BTN3A1: variants seen among roughly 807,000 people sequenced by gnomAD.
The protein encoded by BTN3A1 is dJ45P21.3 (butyrophilin, subfamily 3, member A1).
Under a neutral mutation model 43.0 loss-of-function variants are expected in BTN3A1, and 24 were observed. The ratio of observed to expected loss-of-function variants is 0.56; its 90% confidence interval spans 0.40 to 0.78. The LOEUF (loss-of-function observed/expected upper bound fraction) is 0.78, where lower values mean the gene tolerates loss of function less well. Ranked by LOEUF, BTN3A1 falls within the 30% of genes least tolerant of loss-of-function variation. BTN3A1 has a pLI of 0.00. For synonymous variants in BTN3A1, 181 were observed against 234.7 expected (o/e 0.77, Z 2.09); for missense variants, 533 against 626.2 (o/e 0.85, Z 1.59).
At chr6:26,404,985 G>A (rs1350997870) in intron 1 of BTN3A1, among the ~76,000 whole-genome samples, 1 of 152,198 alleles carries the variant, frequency 6.6e-6, no homozygotes, top group Non-Finnish European at 1.5e-5. Flanking sequence ...GAAAAGGTAA[G>A]TAAGGCCTGG....
At chr6:26,402,723 G>T (rs1334452978) in intron 1 of BTN3A1, among the ~76,000 whole-genome samples, 2 of 144,472 alleles carry the variant, frequency 1.4e-5, no homozygotes, top group Non-Finnish European at 2.9e-5. Flanking sequence ...TCTATTCTAA[G>T]AGATTCTAAA....
chr6:26,405,744 C>T (rs1161180168), intron 2 of BTN3A1, 96 bp downstream of exon 2: 39 of 1,577,572 alleles, frequency 2.5e-5, no homozygotes, highest in South Asian at 8.9e-5. Context: ...AAGTCCATCC[C>T]GATCTGAAGG....
At chr6:26,410,966 G>T in intron 7 of BTN3A1, 143 bp from the exon 8 acceptor site, 1 of 583,832 alleles carries the variant, frequency 1.7e-6, no homozygotes, top group South Asian at 2.7e-5. Context: ...ACAATAGAAA[G>T]AATTGAACCT....
At position 26,409,371 on chromosome 6, in the gene BTN3A1, T is replaced by C. The variant is rs562684913; in HGVS notation, c.716-162T>C. On this transcript the variant is annotated intron_variant, in intron 4 of 9. Transcript: ENST00000289361. ...CTCTAGTGGGGGTTTATCAAAGTCT[T>C]ACCCACTGTCCTCTGAGATTTTAGC... Among the ~76,000 whole-genome samples, 30 of 152,336 alleles carry C rather than the reference T, an allele frequency of 2.0e-4. 1 individual carries two copies. The South Asian group carries it at 5.4e-3, about 27-fold the overall frequency.
At chr6:26,412,026 G>A (rs1762238172) in intron 9 of BTN3A1, 1 of 214,306 alleles carries the variant, frequency 4.7e-6, no homozygotes, top group East Asian at 1.1e-4. Flanking sequence ...ATATTTAGGT[G>A]ATGATTTCAA....
At position 26,413,906 on chromosome 6, in the gene BTN3A1, TAC is replaced by T; in HGVS notation, c.*215_*216del. 1.3e-6 allele frequency: 1 copy of T among 777,766 alleles called. No homozygotes were observed. The highest frequency in any genetic ancestry group is 2.8e-5 in the Admixed American group (1 of 36,224). 48.2% of individuals were successfully genotyped at this position (777,766 alleles called of 1,614,324 possible). ...AGCACGCACTGAAGCACTTTACTGA[TAC>T]TCATTCAATTATTCATATGACAGTT... On this transcript the variant is annotated 3_prime_UTR_variant, in exon 10 of 10. Transcript: ENST00000289361.
chr6:26,406,663 A>G (rs188962371), intron 3 of BTN3A1, among the ~76,000 whole-genome samples: 171 of 152,278 alleles, frequency 1.1e-3, no homozygotes, highest in Admixed American at 3.7e-3. Context: ...TCTGCTGCCA[A>G]TGTTCTTGAG....
chr6:26,411,918 T>G, intron 9 of BTN3A1: 1 of 270,192 alleles, frequency 3.7e-6, no homozygotes, highest in Non-Finnish European at 6.9e-6. Context: ...AAGGAGGCGA[T>G]GCCTGCCCAA....
chr6:26,410,433 T>C (rs1762170689), intron 7 of BTN3A1, among the ~76,000 whole-genome samples: 1 of 152,062 alleles, frequency 6.6e-6, no homozygotes, highest in South Asian at 2.1e-4. Flanking sequence ...GCATTCTCTA[T>C]GGCAGGAACT....
intron 4 of BTN3A1, 43 bp from the exon 5 acceptor site, chr6:26,409,490 T>C (rs1396900084): frequency 3.8e-6 from 6 of 1,593,820 alleles, no homozygotes; most frequent in Non-Finnish European, 4.3e-6. Context: ...CTGGGGAGGC[T>C]GAGTGCACCG....
At chr6:26,407,093 T>G (rs1383464163) in intron 3 of BTN3A1, among the ~76,000 whole-genome samples, 2 of 152,190 alleles carry the variant, frequency 1.3e-5, no homozygotes, top group African/African-American at 4.8e-5. Context: ...TTTCCCATGA[T>G]CCATCATAGT....
chr6:26,407,452 C>T lies in BTN3A1; in HGVS notation c.434-219C>T, dbSNP rs542596065. 7.3e-4 allele frequency among the ~76,000 whole-genome samples: 111 copies of T among 152,286 alleles called. 2 individuals are homozygous for T. Among genetic ancestry groups the T allele is most frequent in the Admixed American group, 1.6e-3 (25 of 15,302 alleles). On this transcript the variant is annotated intron_variant, in intron 3 of 9. Transcript: ENST00000289361. Reference sequence around the variant, plus strand: ...TTCAAAACAGCTCCCTCTCCTCCTCCCTCTGGTAACTGTGGTGGGTGGGAA... The same window carrying T: ...TTCAAAACAGCTCCCTCTCCTCCTCTCTCTGGTAACTGTGGTGGGTGGGAA...
intron 4 of BTN3A1, 26 bp from the exon 5 acceptor site, chr6:26,409,507 A>G (rs756972960): frequency 6.2e-7 from 1 of 1,611,128 alleles, no homozygotes; most frequent in East Asian, 2.2e-5. Context: ...ACCGGCCCCC[A>G]TGACCCACAG....
In BTN3A1 at chr6:26,409,683, A is replaced by T; in HGVS notation, c.866A>T (p.Glu289Val). 1 of 1,591,212 alleles carries T rather than the reference A, an allele frequency of 6.3e-7. No homozygotes were observed. Among genetic ancestry groups the T allele is most frequent in the Non-Finnish European group, 8.5e-7 (1 of 1,171,378 alleles). ...TQFRKKKREQ[E>V]LREMAWSTMK... The stretch of plus-strand genomic sequence containing the variant: ...TTCAGAAAGAAAAAGAGAGAGCAAG[A>T]GTTGAGAGAAATGGCATGGAGCACA... Residue 289 changes from glutamate (E) to valine (V), a missense_variant, in exon 5 of 10, where the codon GAG becomes GTG. Glu to Val is a moderately radical substitution (Grantham distance 121). Around this residue, in one of 4 missense-constraint regions of BTN3A1, gnomAD observed 415 missense variants for 427.0 expected, o/e 0.97. Transcript: ENST00000289361.
At chr6:26,410,151 A>C in intron 7 of BTN3A1, 119 bp downstream of exon 7, 1 of 1,293,872 alleles carries the variant, frequency 7.7e-7, no homozygotes, top group South Asian at 1.2e-5. Flanking sequence ...TTGACTAAGG[A>C]AAGAAAATAG....
chr6:26,413,388 G>GAGAAAGAGTGGCATA lies in BTN3A1; in HGVS notation c.1238_1239insAGAAAGAGTGGCATA (p.Ser413delinsArgGluArgValAlaTyr). On this transcript the variant is annotated protein_altering_variant, in exon 10 of 10. Transcript: ENST00000289361. ...AAAGAGTGGCATATAGGGGTGTGCA[G>GAGAAAGAGTGGCATA]TAAGAATGTGCAGAGAAAAGGCTGG... is the stretch of plus-strand genomic sequence containing the variant. 1 of 1,614,082 alleles carries GAGAAAGAGTGGCATA rather than the reference G, an allele frequency of 6.2e-7. No individual in the cohort carries two copies. The highest frequency in any genetic ancestry group is 8.5e-7 in the Non-Finnish European group (1 of 1,180,022).
chr6:26,413,917 T>G lies in BTN3A1; in HGVS notation c.*225T>G, dbSNP rs1428755281. The G allele has an allele frequency of 2.8e-6, 2 of 719,160 alleles. No homozygotes were observed. The highest frequency in any genetic ancestry group is 3.0e-5 in the East Asian group (1 of 33,480). The allele number at this position is 719,160 out of a possible 1,614,324, so 44.5% of individuals were successfully genotyped here. A position where few individuals can be genotyped will look rare whatever the true frequency, so the allele number is the denominator to read the frequency against. Reference sequence around the variant, plus strand: ...AAGCACTTTACTGATACTCATTCAATTATTCATATGACAGTTGTTTGAGTT... The same window carrying G: ...AAGCACTTTACTGATACTCATTCAAGTATTCATATGACAGTTGTTTGAGTT... On this transcript the variant is annotated 3_prime_UTR_variant, in exon 10 of 10. Coordinates refer to ENST00000289361, the MANE Select transcript of BTN3A1 (RefSeq NM_007048.6).
At chr6:26,409,439 T>C in intron 4 of BTN3A1, 94 bp from the exon 5 acceptor site, 1 of 1,198,634 alleles carries the variant, frequency 8.3e-7, no homozygotes, top group Middle Eastern at 2.8e-4. Context: ...TTCCGTGCCC[T>C]GTGACCTGGG....
intron 8 of BTN3A1, 132 bp downstream of exon 8, chr6:26,411,267 T>G (rs1581631974): frequency 3.2e-6 from 4 of 1,240,170 alleles, no homozygotes; most frequent in Non-Finnish European, 4.5e-6. Flanking sequence ...ATTTGTGTGT[T>G]GTGGGGGGTT....
Sources: gnomAD v4.1 joint callset for allele counts (sites outside exome capture counted in the v4.1 genomes callset) on GRCh38, gnomAD v4.1.1 for gene constraint, gnomAD v4.1.1 regional missense constraint, MANE v1.5 for transcripts, NCBI Gene and HGNC (gene_info 2026-07-23, HGNC 2026-07-21) for gene names.